THSD7B: variants seen among roughly 807,000 people sequenced by gnomAD.
The protein encoded by THSD7B is thrombospondin type-1 domain-containing protein 7B.
THSD7B carries 138 observed loss-of-function variants against 213.6 expected under a neutral mutation model. The observed-to-expected ratio is 0.65, with a 90% CI of 0.56 to 0.74. The LOEUF (loss-of-function observed/expected upper bound fraction) is 0.74. Ranked by LOEUF, THSD7B falls within the 30% of genes least tolerant of loss-of-function variation. THSD7B has a pLI of 0.00. For missense variants in THSD7B, 1,931 were observed against 1,991.5 expected (o/e 0.97, Z 0.58); for synonymous variants, 742 against 687.0 (o/e 1.08, Z -1.25).
At chr2:137,586,970 C>T (rs2104808748) in intron 17 of THSD7B, among the ~76,000 whole-genome samples, 1 of 152,348 alleles carries the variant, frequency 6.6e-6, no homozygotes, top group Admixed American at 6.5e-5. Flanking sequence ...CTTTCAGGTA[C>T]ACCAATCAGA....
chr2:137,543,298 A>C (rs901658505), intron 15 of THSD7B, among the ~76,000 whole-genome samples: 1 of 151,852 alleles, frequency 6.6e-6, no homozygotes, highest in Non-Finnish European at 1.5e-5. Context: ...TATGTAGAAC[A>C]TTCAGAATCT....
At chr2:137,407,006 G>A (rs1421548935) in intron 13 of THSD7B, among the ~76,000 whole-genome samples, 1 of 152,156 alleles carries the variant, frequency 6.6e-6, no homozygotes, top group Non-Finnish European at 1.5e-5. Context: ...CATTACTCTG[G>A]CAACTCTTTA....
intron 1 of THSD7B, among the ~76,000 whole-genome samples, chr2:136,853,189 C>T (rs1441926239): frequency 3.3e-5 from 5 of 152,038 alleles, no homozygotes; most frequent in African/African-American, 1.2e-4. Context: ...TACTGTTTTC[C>T]ATTCTGCTGA....
chr2:136,770,717 C>G (rs1681489238), intron 1 of THSD7B, among the ~76,000 whole-genome samples: 1 of 152,164 alleles, frequency 6.6e-6, no homozygotes, highest in African/African-American at 2.4e-5. Flanking sequence ...GATATTTGTA[C>G]TCGTGACAAG....
At chr2:136,958,006 T>C (rs1175300594) in intron 2 of THSD7B, among the ~76,000 whole-genome samples, 2 of 152,230 alleles carry the variant, frequency 1.3e-5, no homozygotes. Context: ...ATTTTTATAA[T>C]GGTATACACT....
intron 17 of THSD7B, among the ~76,000 whole-genome samples, chr2:137,589,477 A>T (rs1408183453): frequency 6.6e-6 from 1 of 152,038 alleles, no homozygotes; most frequent in African/African-American, 2.4e-5. Context: ...AAATTTTGTG[A>T]TTTTCTTCAA....
chr2:137,333,896 C>T (rs1387549211), intron 12 of THSD7B, among the ~76,000 whole-genome samples: 1 of 152,164 alleles, frequency 6.6e-6, no homozygotes, highest in East Asian at 1.9e-4. Context: ...AGTGGAAAAG[C>T]TCTCTCACTT....
intron 12 of THSD7B, among the ~76,000 whole-genome samples, chr2:137,382,089 T>C (rs971309667): frequency 2.4e-4 from 37 of 152,152 alleles, no homozygotes; most frequent in African/African-American, 7.7e-4. Context: ...GACGATTGAA[T>C]TGGGACAGTA....
chr2:137,499,783 G>T (rs1679658035), intron 15 of THSD7B, among the ~76,000 whole-genome samples: 1 of 152,142 alleles, frequency 6.6e-6, no homozygotes, highest in Non-Finnish European at 1.5e-5. Context: ...CCATATGGTG[G>T]CTGTAGCTGA....
intron 1 of THSD7B, among the ~76,000 whole-genome samples, chr2:136,808,589 A>G (rs1055493575): frequency 1.3e-5 from 2 of 152,202 alleles, no homozygotes; most frequent in Non-Finnish European, 2.9e-5. Flanking sequence ...AGTTGGCTAA[A>G]TGCTTAGATG....
intron 4 of THSD7B, among the ~76,000 whole-genome samples, chr2:137,097,440 G>A (rs554260225): frequency 6.6e-6 from 1 of 151,902 alleles, no homozygotes; most frequent in Admixed American, 6.6e-5. Flanking sequence ...AGAGTGAAAG[G>A]GATGTAAATT....
intron 7 of THSD7B, among the ~76,000 whole-genome samples, chr2:137,208,865 T>C (rs1280636616): frequency 1.3e-5 from 2 of 152,086 alleles, no homozygotes; most frequent in African/African-American, 4.8e-5. Context: ...TCTTAGGATC[T>C]ACAATAGCAA....
At chr2:137,330,856 C>T (rs1047093536) in intron 12 of THSD7B, among the ~76,000 whole-genome samples, 1 of 152,282 alleles carries the variant, frequency 6.6e-6, no homozygotes, top group East Asian at 1.9e-4. Flanking sequence ...TGGCCCCACC[C>T]ACGTCCTGCT....
Position 137,056,470 on chromosome 2 carries a change from C to G in THSD7B, c.190C>G (p.Arg64Gly). The change falls in exon 3 of 28, where the codon CGG becomes GGG. Residue 64 changes from arginine (R) to glycine (G), a missense_variant. Transcript: ENST00000409968. ...GDCGPGGVQS[R>G]AVWCFHVDGW... ...CTGTGGTCCCGGAGGAGTCCAGAGT[C>G]GGGCAGTGTGGTGTTTTCATGTTGA... The G allele has an allele frequency of 6.2e-7, 1 of 1,613,866 alleles. No homozygotes were observed. The highest frequency in any genetic ancestry group is 8.5e-7 in the Non-Finnish European group (1 of 1,179,842).
At chr2:137,540,574 A>C (rs1680592005) in intron 15 of THSD7B, among the ~76,000 whole-genome samples, 1 of 151,670 alleles carries the variant, frequency 6.6e-6, no homozygotes, top group Non-Finnish European at 1.5e-5. Flanking sequence ...CCTATCTTTG[A>C]AGAATTGTCA....
At chr2:136,829,824 A>G (rs1218766211) in intron 1 of THSD7B, among the ~76,000 whole-genome samples, 1 of 152,196 alleles carries the variant, frequency 6.6e-6, no homozygotes, top group African/African-American at 2.4e-5. Context: ...TGAAGCATAT[A>G]CATTCCATCT....
chr2:136,964,863 C>T (rs553142846), intron 2 of THSD7B, among the ~76,000 whole-genome samples: 14 of 151,828 alleles, frequency 9.2e-5, no homozygotes, highest in African/African-American at 2.9e-4. Context: ...TAGCCGGGTG[C>T]GGTGGCACAC....
At chr2:137,178,069 CAAA>C (rs35624670) in intron 7 of THSD7B, among the ~76,000 whole-genome samples, 1,188 of 57,492 alleles carry the variant, frequency 0.021, 17 homozygotes, top group African/African-American at 0.07. Flanking sequence ...AACTCCGTCT[CAAA>C]AAAAAAAAAA....
chr2:137,415,055 C>CAAAAAAAAAAAA, intron 14 of THSD7B, among the ~76,000 whole-genome samples: 1 of 122,790 alleles, frequency 8.1e-6, no homozygotes, highest in South Asian at 2.9e-4. Flanking sequence ...GACCCTGTCT[C>CAAAAAAAAAAAA]AAAAAAAAAA....
Sources: gnomAD v4.1 joint callset for allele counts (sites outside exome capture counted in the v4.1 genomes callset) on GRCh38, gnomAD v4.1.1 for gene constraint, MANE v1.5 for transcripts, NCBI Gene and HGNC (gene_info 2026-07-23, HGNC 2026-07-21) for gene names.